Variants in SEC14L1 observed in about 807,000 individuals in gnomAD.
SEC14L1 encodes the protein SEC14 like lipid binding 1.
SEC14L1 carries 48 observed loss-of-function variants against 85.3 expected under a neutral mutation model. The ratio of observed to expected loss-of-function variants is 0.56; its 90% CI spans 0.45 to 0.72. SEC14L1 has a LOEUF of 0.72. Among genes scored for constraint, SEC14L1 ranks in the 30% least tolerant of loss-of-function variants. The pLI, the probability that SEC14L1 is intolerant of heterozygous loss-of-function variation, is 0.00. For missense variants in SEC14L1, 682 were observed against 921.4 expected (o/e 0.74, Z 3.36); for synonymous variants, 391 against 355.5 (o/e 1.10, Z -1.12).
intron 3 of SEC14L1, among the ~76,000 whole-genome samples, chr17:77,109,481 G>A (rs1171046036): frequency 6.6e-6 from 1 of 152,156 alleles, no homozygotes; most frequent in Non-Finnish European, 1.5e-5. Flanking sequence ...TGGCCTCCTT[G>A]GGAAATTAGG....
intron 3 of SEC14L1, among the ~76,000 whole-genome samples, chr17:77,164,307 T>C (rs2143650225): frequency 6.6e-6 from 1 of 152,360 alleles, no homozygotes; most frequent in Non-Finnish European, 1.5e-5. Flanking sequence ...GTCTTTGCTT[T>C]AAAAGACCTC....
chr17:77,120,688 G>C (rs763959818), intron 3 of SEC14L1, among the ~76,000 whole-genome samples: 4 of 152,142 alleles, frequency 2.6e-5, no homozygotes, highest in African/African-American at 4.8e-5. Flanking sequence ...TGTTGTCCAG[G>C]CTGGTCTCAA....
chr17:77,135,586 G>A (rs1459280835), intron 3 of SEC14L1, among the ~76,000 whole-genome samples: 2 of 151,802 alleles, frequency 1.3e-5, no homozygotes, highest in African/African-American at 2.4e-5. Context: ...TCTCAGGCTG[G>A]AGTGCAGTGG....
At chr17:77,110,877 CA>C (rs1212651345) in intron 3 of SEC14L1, among the ~76,000 whole-genome samples, 8,868 of 46,778 alleles carry the variant, frequency 0.19, 201 homozygotes, top group Non-Finnish European at 0.26. Flanking sequence ...GACTCTGTCT[CA>C]AAAAAAAAAA....
intron 3 of SEC14L1, among the ~76,000 whole-genome samples, chr17:77,172,405 G>A (rs1194590946): frequency 6.6e-6 from 1 of 152,038 alleles, no homozygotes; most frequent in Non-Finnish European, 1.5e-5. Context: ...TCTACTTTTG[G>A]GTTCTTTGGC....
intron 8 of SEC14L1, chr17:77,199,005 C>CGTTTTTT (rs1555627567): frequency 7.5e-6 from 1 of 133,954 alleles, no homozygotes. Flanking sequence ...CGTCTTCTTT[C>CGTTTTTT]TTTTTTTTTT....
chr17:77,196,092 A>G, intron 7 of SEC14L1, 110 bp from the exon 8 acceptor site: 1 of 766,258 alleles, frequency 1.3e-6, no homozygotes, highest in Admixed American at 2.3e-5. Context: ...CTGCGGTTTC[A>G]TGTGCCTCTA....
chr17:77,204,915 A>G (rs1190197248), intron 10 of SEC14L1, among the ~76,000 whole-genome samples: 1 of 152,184 alleles, frequency 6.6e-6, no homozygotes, highest in African/African-American at 2.4e-5. Context: ...CTTGGCGGGC[A>G]CATGTGGTAT....
At position 77,213,441 on chromosome 17, in the gene SEC14L1, A is replaced by C. The variant is rs1567939810; in HGVS notation, c.1991A>C (p.His664Pro). The C allele has an allele frequency of 1.2e-6, 2 of 1,612,884 alleles. No individual in the cohort carries two copies. The highest frequency in any genetic ancestry group is 1.7e-6 in the Non-Finnish European group (2 of 1,180,026). ...CTTGCGTCCCTGCAGGTCTCTTCGCACAAGTGTAAAGTGATGTACTACACC... is the reference window on the plus strand; with the variant it reads ...CTTGCGTCCCTGCAGGTCTCTTCGCCCAAGTGTAAAGTGATGTACTACACC... ...DVLASLQVSS[H>P]KCKVMYYTEV... The change falls in exon 16 of 17, where the codon CAC becomes CCC. Residue 664 changes from histidine to proline, a missense_variant. Transcript: ENST00000436233. This position sits in a 1 kb window ranked among gnomAD's most constrained non-coding sequence, Gnocchi z 7.1.
chr17:77,113,559 C>A (rs1016009796), intron 3 of SEC14L1, among the ~76,000 whole-genome samples: 9 of 152,152 alleles, frequency 5.9e-5, no homozygotes, highest in Non-Finnish European at 1.2e-4. Flanking sequence ...GCCTGGCCAA[C>A]ATGGTGAAAC....
upstream of SEC14L1, among the ~76,000 whole-genome samples, chr17:77,137,374 A>G (rs75766520): frequency 0.014 from 2,172 of 152,306 alleles, 32 homozygotes; most frequent in South Asian, 0.058. Context: ...GGCAGGTCAC[A>G]TGGTGAAAGC....
intron 8 of SEC14L1, among the ~76,000 whole-genome samples, chr17:77,198,573 T>C (rs1203544620): frequency 1.3e-5 from 2 of 151,280 alleles, no homozygotes; most frequent in African/African-American, 2.4e-5. Flanking sequence ...GTGTATGAGA[T>C]CTCTTTTTTT....
intron 2 of SEC14L1, among the ~76,000 whole-genome samples, chr17:77,092,310 G>A (rs953928121): frequency 1.3e-5 from 2 of 152,126 alleles, no homozygotes; most frequent in Non-Finnish European, 2.9e-5. Context: ...ATGGTCCCTG[G>A]TGTTAGGGGC....
In SEC14L1 at chr17:77,214,593, GGCCAGACACACCC is replaced by G; in HGVS notation, c.*571_*583del. 1 of 987,744 alleles carries G rather than the reference GGCCAGACACACCC, an allele frequency of 1.0e-6. No individual in the cohort carries two copies. Among genetic ancestry groups the G allele is most frequent in the Non-Finnish European group, 1.2e-6 (1 of 831,530 alleles). The allele number at this position is 987,744 out of a possible 1,614,324, so 61.2% of individuals were successfully genotyped here. A position where few individuals can be genotyped will look rare whatever the true frequency, so the allele number is the denominator to read the frequency against. ...TTGCCTGCGGAGTACCTTGTCCCAG[GGCCAGACACACCC>G]ACACCACCCACTGTCCTGCAGTGGG... is the stretch of plus-strand genomic sequence containing the variant. On this transcript the variant is annotated 3_prime_UTR_variant, in exon 17 of 17. Coordinates refer to ENST00000436233, the MANE Select transcript of SEC14L1 (RefSeq NM_001143998.2).
chr17:77,109,873 T>C (rs1420118551), intron 3 of SEC14L1, among the ~76,000 whole-genome samples: 1 of 152,202 alleles, frequency 6.6e-6, no homozygotes, highest in Non-Finnish European at 1.5e-5. Flanking sequence ...ATTAACTAAA[T>C]GCGTAAAATG....
At chr17:77,179,884 A>G (rs543756666) in intron 3 of SEC14L1, among the ~76,000 whole-genome samples, 1 of 151,996 alleles carries the variant, frequency 6.6e-6, no homozygotes, top group South Asian at 2.1e-4. Context: ...TCACTGTGTT[A>G]GCCGGGATGG....
intron 3 of SEC14L1, among the ~76,000 whole-genome samples, chr17:77,102,706 G>A (rs1971807031): frequency 6.6e-6 from 1 of 152,068 alleles, no homozygotes; most frequent in Admixed American, 6.6e-5. Context: ...GTTTCACCAT[G>A]TTGGCCAGGC....
rs1976786958 is a variant in SEC14L1 at position 77,212,138 on chromosome 17, G to T, written c.1800G>T (p.Gln600His). Residue 600 changes from glutamine (Q) to histidine (H), a missense_variant, in exon 15 of 17, where the codon CAG becomes CAT. This residue lies in a region of SEC14L1 where 420 missense variants were observed against 619.5 expected (regional missense o/e 0.68). Transcript: ENST00000436233. ...NNVQLIDKVWQLGRDYSMVES... is the reference protein window; with the variant it reads ...NNVQLIDKVWHLGRDYSMVES... The stretch of plus-strand genomic sequence containing the variant: ...TGCAGCTCATAGACAAAGTCTGGCA[G>T]CTGGGCCGCGACTACAGCATGGTGG... 1.2e-6 allele frequency: 2 copies of T among 1,614,020 alleles called. No individual in the cohort carries two copies. The highest frequency in any genetic ancestry group is 1.7e-6 in the Non-Finnish European group (2 of 1,180,054).
chr17:77,089,171 A>G (rs748432956), exon 2 of SEC14L1: 32 of 343,050 alleles, frequency 9.3e-5, no homozygotes, highest in Admixed American at 2.2e-4. Flanking sequence ...AGAAAATGAG[A>G]AATATCCCCC....
Sources: allele counts gnomAD v4.1 joint callset (sites outside exome capture counted in the v4.1 genomes callset), GRCh38; gene constraint gnomAD v4.1.1; regional missense constraint gnomAD v4.1.1; non-coding constraint Gnocchi (gnomAD v3.1); transcripts MANE v1.5; gene names NCBI Gene and HGNC (gene_info 2026-07-23, HGNC 2026-07-21).